The following PDE7A variants were observed in gnomAD, a reference collection of about 807,000 sequenced individuals.
The protein encoded by PDE7A is phosphodiesterase 7A, also known as high affinity 3',5'-cyclic-AMP phosphodiesterase 7A.
In PDE7A, 39 loss-of-function variants were observed where a neutral mutation model predicts 64.3. The observed-to-expected ratio is 0.61, with a 90% confidence interval of 0.47 to 0.79. The LOEUF is 0.79. Among genes scored for constraint, PDE7A ranks in the 30% least tolerant of loss-of-function variants. The probability of loss-of-function intolerance (pLI) is 0.00; values close to 1 mark genes in which losing one functional copy is unlikely to be tolerated. For missense variants in PDE7A, 470 were observed against 582.8 expected, an observed-to-expected ratio of 0.81 and a Z score of 1.99; for synonymous variants, 203 against 206.8, an observed-to-expected ratio of 0.98 and a Z score of 0.16.
intron 1 of PDE7A, among the ~76,000 whole-genome samples, chr8:65,795,304 T>C (rs1809809544): frequency 6.6e-6 from 1 of 152,188 alleles, no homozygotes; most frequent in Non-Finnish European, 1.5e-5. Flanking sequence ...GGCACAATCC[T>C]GCAGAGCACA....
chr8:65,756,273 G>A (rs889236325), intron 3 of PDE7A, among the ~76,000 whole-genome samples: 4 of 152,144 alleles, frequency 2.6e-5, no homozygotes, highest in African/African-American at 4.8e-5. Context: ...GGAATTTACC[G>A]AGCTTCTTGG....
intron 3 of PDE7A, among the ~76,000 whole-genome samples, chr8:65,770,340 A>C (rs1191904849): frequency 2.0e-5 from 3 of 152,234 alleles, no homozygotes; most frequent in African/African-American, 7.2e-5. Flanking sequence ...GAGGCCTCAT[A>C]ATCAGGGCAG....
At chr8:65,777,203 C>G (rs1222680075) in intron 3 of PDE7A, among the ~76,000 whole-genome samples, 1 of 151,792 alleles carries the variant, frequency 6.6e-6, no homozygotes, top group Non-Finnish European at 1.5e-5. Context: ...CCTCGGCCTC[C>G]CAAGTAGCTG....
intron 4 of PDE7A, among the ~76,000 whole-genome samples, chr8:65,746,085 C>A (rs934370739): frequency 1.5e-4 from 23 of 151,296 alleles, no homozygotes; most frequent in African/African-American, 5.3e-4. Flanking sequence ...CATGTGTTAC[C>A]ATACCTGGCT....
At chr8:65,822,137 T>G (rs951143294) in intron 1 of PDE7A, among the ~76,000 whole-genome samples, 1 of 152,232 alleles carries the variant, frequency 6.6e-6, no homozygotes, top group Admixed American at 6.5e-5. Flanking sequence ...CAGGGACCCA[T>G]CTATTAAAGA....
chr8:65,773,598 A>G (rs1044365273), intron 3 of PDE7A, among the ~76,000 whole-genome samples: 13 of 152,188 alleles, frequency 8.5e-5, no homozygotes, highest in African/African-American at 3.1e-4. Flanking sequence ...TTCATTTATT[A>G]TCCAATTTGA....
In PDE7A at chr8:65,715,996, CAAAAAAAAAAAAAA is replaced by C. The variant is rs779701295; in HGVS notation, c.*3280_*3293del. On this transcript the variant is annotated 3_prime_UTR_variant, in exon 13 of 13. Transcript: ENST00000401827. ...TGGGCGACAGAGCAAGGCTCTGTCT[CAAAAAAAAAAAAAA>C]AAAAAAAAAAAAAAATTAGCTGGGT... Among the ~76,000 whole-genome samples the C allele has an allele frequency of 0.032, 1,077 of 33,964 alleles. 18 individuals are homozygous for C. The highest frequency in any genetic ancestry group is 0.065 in the Admixed American group (131 of 2,012). The allele number at this position is 33,964 out of a possible 152,430, so 22.3% of individuals were successfully genotyped here. A position where few individuals can be genotyped will look rare whatever the true frequency, so the allele number is the denominator to read the frequency against.
chr8:65,714,816 T>C lies in PDE7A; in HGVS notation c.*4474A>G, dbSNP rs1166029852. 1 of 152,214 alleles carries C rather than the reference T, an allele frequency of 6.6e-6. No homozygotes were observed. Among genetic ancestry groups the C allele is most frequent in the Non-Finnish European group, 1.5e-5 (1 of 68,048 alleles). The allele number at this position is 152,214 out of a possible 1,614,324, so 9.4% of individuals were successfully genotyped here. ...AGCATTTTGGAAAAAAAGATCATTT[T>C]CAGAATCTTCAAGGAATTACTAGCA... is the stretch of plus-strand genomic sequence containing the variant. On this transcript the variant is annotated 3_prime_UTR_variant, in exon 13 of 13. Transcript: ENST00000401827.
intron 1 of PDE7A, among the ~76,000 whole-genome samples, chr8:65,790,460 GACA>G (rs1202525025): frequency 4.6e-5 from 7 of 152,162 alleles, no homozygotes; most frequent in African/African-American, 1.7e-4. Flanking sequence ...TCCATGACAA[GACA>G]ACGTCATCTG....
intron 3 of PDE7A, among the ~76,000 whole-genome samples, chr8:65,774,235 G>A (rs886368221): frequency 1.3e-5 from 2 of 152,240 alleles, no homozygotes; most frequent in Admixed American, 6.5e-5. Flanking sequence ...TATCGCTGAA[G>A]TATTACTCTT....
chr8:65,834,134 A>C (rs1328489111), intron 1 of PDE7A, among the ~76,000 whole-genome samples: 5 of 152,146 alleles, frequency 3.3e-5, no homozygotes, highest in African/African-American at 4.8e-5. Flanking sequence ...GATTTATGAA[A>C]ATTTAAGAAA....
rs1477711496 is a variant in PDE7A, at chr8:65,787,186, G to A, written c.139-4343C>T. On this transcript the variant is annotated intron_variant, in intron 1 of 12. Transcript: ENST00000401827. ...GCCATTTCCATTACACGGTAAGAGT[G>A]ATAATATATTAACTAACACTTGCTG... 2.0e-5 allele frequency among the ~76,000 whole-genome samples: 3 copies of A among 152,156 alleles called. No individual in the cohort carries two copies. The East Asian group carries it at 5.8e-4, about 29-fold the overall frequency.
chr8:65,732,976 C>A (rs1806962205), intron 7 of PDE7A, among the ~76,000 whole-genome samples: 3 of 152,064 alleles, frequency 2.0e-5, no homozygotes, highest in Admixed American at 1.3e-4. Flanking sequence ...TCCCAAAGTG[C>A]AGAACTACAG....
intron 1 of PDE7A, among the ~76,000 whole-genome samples, chr8:65,821,480 T>C (rs1238332332): frequency 3.3e-5 from 5 of 152,214 alleles, no homozygotes; most frequent in Admixed American, 6.5e-5. Context: ...CCTCTAAAAA[T>C]ATAGCCAATT....
chr8:65,772,981 C>G (rs1809154011), intron 3 of PDE7A, among the ~76,000 whole-genome samples: 1 of 151,960 alleles, frequency 6.6e-6, no homozygotes, highest in Non-Finnish European at 1.5e-5. Context: ...GCACTCCAGC[C>G]TGGGCGACAG....
At chr8:65,831,770 T>A (rs1036180813) in intron 1 of PDE7A, among the ~76,000 whole-genome samples, 3 of 152,176 alleles carry the variant, frequency 2.0e-5, no homozygotes, top group African/African-American at 7.2e-5. Flanking sequence ...TGAGAATTTA[T>A]AAACTCATGA....
At chr8:65,772,574 T>C (rs916707565) in intron 3 of PDE7A, among the ~76,000 whole-genome samples, 1 of 152,152 alleles carries the variant, frequency 6.6e-6, no homozygotes, top group Non-Finnish European at 1.5e-5. Flanking sequence ...ACTGATATCT[T>C]CAACTAGTGC....
chr8:65,779,745 TG>T lies in PDE7A; in HGVS notation c.257del (p.Pro86HisfsTer27). 1 of 1,590,298 alleles carries T rather than the reference TG, an allele frequency of 6.3e-7. No individual in the cohort carries two copies. Among genetic ancestry groups the T allele is most frequent in the Non-Finnish European group, 8.6e-7 (1 of 1,163,756 alleles). On this transcript the variant is annotated frameshift_variant, in exon 3 of 13. Transcript: ENST00000401827. LOFTEE classifies it high-confidence loss of function. ...GFESERRGSHPYIDFRIFHSQ... is the reference protein window; with the variant it reads ...GFESERRGSHXYIDFRIFHSQ... ...AGTGGAAAATACGAAAATCAATATA[TG>T]GGTGAGAACCTCTTCTTTCTGATTC... is the stretch of plus-strand genomic sequence containing the variant.
intron 3 of PDE7A, among the ~76,000 whole-genome samples, chr8:65,763,928 AAGATATTT>A (rs773788828): frequency 7.2e-5 from 11 of 152,240 alleles, no homozygotes; most frequent in Non-Finnish European, 1.3e-4. Context: ...CGAGTTAAGG[AAGATATTT>A]AGAAGACAGA....
Sources: gnomAD v4.1 joint callset for allele counts (sites outside exome capture counted in the v4.1 genomes callset) on GRCh38, gnomAD v4.1.1 for gene constraint, MANE v1.5 for transcripts, NCBI Gene and HGNC (gene_info 2026-07-23, HGNC 2026-07-21) for gene names.